The following PCDHGA5 variants were observed in gnomAD, a reference collection of about 807,000 sequenced individuals.
PCDHGA5 encodes protocadherin gamma-A5.
A neutral mutation model predicts 56.7 loss-of-function variants in PCDHGA5; 36 were observed. That is an observed-to-expected ratio of 0.64 (90% CI 0.49 to 0.84). PCDHGA5 has a LOEUF of 0.84. Among genes scored for constraint, PCDHGA5 ranks in the 40% least tolerant of loss-of-function variants. The pLI is 0.00. For missense variants in PCDHGA5, 1,305 were observed against 1,201.5 expected, an observed-to-expected ratio of 1.09 and a Z score of -1.27; for synonymous variants, 563 against 520.2, an observed-to-expected ratio of 1.08 and a Z score of -1.12.
In PCDHGA5 at chr5:141,486,070, T is replaced by G; in HGVS notation, c.2422-8737T>G. The G allele has an allele frequency of 6.2e-7, 1 of 1,614,158 alleles. No individual in the cohort carries two copies. Among genetic ancestry groups the G allele is most frequent in the Non-Finnish European group, 8.5e-7 (1 of 1,180,010 alleles). On this transcript the variant is annotated intron_variant, in intron 1 of 3. Coordinates refer to ENST00000518069, the MANE Select transcript of PCDHGA5 (RefSeq NM_018918.3). This position sits in a 1 kb window ranked among gnomAD's most constrained non-coding sequence, Gnocchi z 5.0. ...ACCTCTTTAGCCTGCACCCCACTAC[T>G]GGAAAGCTTACTCTTTTGGGGCCCC...
chr5:141,479,574 T>A (rs1291334449), intron 1 of PCDHGA5: 1 of 152,228 alleles, frequency 6.6e-6, no homozygotes, highest in South Asian at 2.1e-4. Context: ...GGATGACATC[T>A]GTGAATAGCC....
At position 141,486,653 on chromosome 5, in the gene PCDHGA5, C is replaced by A; in HGVS notation, c.2422-8154C>A. 1 of 1,613,968 alleles carries A rather than the reference C, an allele frequency of 6.2e-7. No homozygotes were observed. Among genetic ancestry groups the A allele is most frequent in the Non-Finnish European group, 8.5e-7 (1 of 1,180,034 alleles). On this transcript the variant is annotated intron_variant, in intron 1 of 3. Coordinates refer to ENST00000518069, the MANE Select transcript of PCDHGA5 (RefSeq NM_018918.3). This position sits in a 1 kb window ranked among gnomAD's most constrained non-coding sequence, Gnocchi z 5.0. ...CTTGAATGCGCTTATCTCCTACTCA[C>A]TCCTGGAGCCCAGGAATCGAGATGT... is the stretch of plus-strand genomic sequence containing the variant.
At chr5:141,418,811 A>C in intron 1 of PCDHGA5, 1 of 1,613,916 alleles carries the variant, frequency 6.2e-7, no homozygotes. Context: ...ATATACGATA[A>C]ACATAGAAGC....
intron 1 of PCDHGA5, chr5:141,413,586 C>G (rs2095657085): frequency 2.5e-6 from 4 of 1,613,724 alleles, no homozygotes; most frequent in Admixed American, 1.7e-5. Context: ...CTCCAAAATT[C>G]CAAGCAGAAA....
At chr5:141,478,665 A>G (rs749063178) in intron 1 of PCDHGA5, 88 of 1,551,690 alleles carry the variant, frequency 5.7e-5, no homozygotes, top group Non-Finnish European at 3.7e-5. Flanking sequence ...ATGCATTCAC[A>G]CTTTCAACTG....
chr5:141,446,928 C>T (rs988582410), intron 1 of PCDHGA5, among the ~76,000 whole-genome samples: 14 of 152,132 alleles, frequency 9.2e-5, no homozygotes, highest in Non-Finnish European at 1.6e-4. Context: ...TTCCTGATCT[C>T]TTTTTCACTG....
intron 1 of PCDHGA5, chr5:141,399,118 A>G: frequency 6.2e-7 from 1 of 1,613,822 alleles, no homozygotes; most frequent in Non-Finnish European, 8.5e-7. Context: ...TACAGTTGAA[A>G]TTAATATTCA....
At position 141,455,301 on chromosome 5, in the gene PCDHGA5, T is replaced by G. The variant is rs192443408; in HGVS notation, c.2422-39506T>G. Among the ~76,000 whole-genome samples, 191 of 152,308 alleles carry G rather than the reference T, an allele frequency of 1.3e-3. 1 individual carries two copies. Among genetic ancestry groups the G allele is most frequent in the African/African-American group, 4.4e-3 (181 of 41,566 alleles). On this transcript the variant is annotated intron_variant, in intron 1 of 3. Transcript: ENST00000518069. ...AACATCACTTTACATAGTTTCATCT[T>G]GCATTAGCAATTTTGTGTGTGTGTT...
At chr5:141,422,058 A>G (rs1015726657) in intron 1 of PCDHGA5, 3 of 1,611,890 alleles carry the variant, frequency 1.9e-6, no homozygotes, top group African/African-American at 2.7e-5. Flanking sequence ...TCAACGGGGA[A>G]GTAATGTATT....
At chr5:141,480,240 CAAA>C (rs11374694) in intron 1 of PCDHGA5, among the ~76,000 whole-genome samples, 1 of 114,046 alleles carries the variant, frequency 8.8e-6, no homozygotes, top group African/African-American at 3.3e-5. Flanking sequence ...CCTGTCTCTA[CAAA>C]AAAAAAAAAA....
chr5:141,427,905 A>G (rs754321006), intron 1 of PCDHGA5: 1 of 1,574,682 alleles, frequency 6.4e-7, no homozygotes, highest in South Asian at 1.1e-5. Context: ...GCCCGCGCTC[A>G]GCGCCAACAT....
At chr5:141,419,439 C>G (rs375537017) in intron 1 of PCDHGA5, 1 of 1,613,154 alleles carries the variant, frequency 6.2e-7, no homozygotes, top group Non-Finnish European at 8.5e-7. Context: ...CAGCTGCGCA[C>G]CTTCGAGCTC....
At chr5:141,430,425 A>G (rs1298131518) in intron 1 of PCDHGA5, among the ~76,000 whole-genome samples, 3 of 152,076 alleles carry the variant, frequency 2.0e-5, no homozygotes, top group Non-Finnish European at 4.4e-5. Context: ...TAAAGCGAAT[A>G]CGGTAGATTT....
In PCDHGA5 at chr5:141,388,127, C is replaced by T. The variant is rs760517049; in HGVS notation, c.2421+21376C>T. 21 of 1,427,554 alleles carry T rather than the reference C, an allele frequency of 1.5e-5. No homozygotes were observed. The African/African-American group carries it at 2.9e-4, about 20-fold the overall frequency. The allele number at this position is 1,427,554 out of a possible 1,614,324, so 88.4% of individuals were successfully genotyped here. On this transcript the variant is annotated intron_variant, in intron 1 of 3. Coordinates refer to ENST00000518069, the MANE Select transcript of PCDHGA5 (RefSeq NM_018918.3). ...CTTACTTCACCGTGAGCGCAGAGAG[C>T]GGGGAGTTGCTTGTGAGCAGCAGGC...
Position 141,510,990 on chromosome 5 carries a change from C to T in PCDHGA5, c.2613C>T (p.Thr871=). ...GSSTLGGGAG[T]MGLSARYGPQ... ...CCACCCTGGGAGGGGGTGCCGGCAC[C>T]ATGGGATTGAGCGCCCGCTACGGAC... The change falls in exon 4 of 4, where the codon ACC becomes ACT. Residue 871 remains threonine, a synonymous_variant. Transcript: ENST00000518069. The T allele has an allele frequency of 2.5e-6, 4 of 1,614,166 alleles. No homozygotes were observed. Among genetic ancestry groups the T allele is most frequent in the Non-Finnish European group, 3.4e-6 (4 of 1,180,014 alleles).
intron 1 of PCDHGA5, chr5:141,409,668 A>G: frequency 6.2e-7 from 1 of 1,613,398 alleles, no homozygotes; most frequent in Non-Finnish European, 8.5e-7. Context: ...CACATCTCCT[A>G]CTCTATAGTG....
At chr5:141,500,562 T>A (rs2099801387) in intron 2 of PCDHGA5, among the ~76,000 whole-genome samples, 1 of 152,202 alleles carries the variant, frequency 6.6e-6, no homozygotes, top group Admixed American at 6.5e-5. Flanking sequence ...CACAAACTTG[T>A]CACACTTTCA....
rs2099883775 is a variant in PCDHGA5 at position 141,511,415 on chromosome 5, A to G, written c.*242A>G. On this transcript the variant is annotated 3_prime_UTR_variant, in exon 4 of 4. Transcript: ENST00000518069. ...CCCCATCCAATCAACTGCTGTACCC[A>G]TGGGGGTAGTGGGGTTACTGTAGAC... 1.2e-6 allele frequency: 1 copy of G among 868,992 alleles called. No individual in the cohort carries two copies. The highest frequency in any genetic ancestry group is 2.9e-5 in the East Asian group (1 of 34,592). The allele number at this position is 868,992 out of a possible 1,614,324, so 53.8% of individuals were successfully genotyped here.
chr5:141,394,868 C>G lies in PCDHGA5; in HGVS notation c.2421+28117C>G, dbSNP rs1159006718. On this transcript the variant is annotated intron_variant, in intron 1 of 3. Coordinates refer to ENST00000518069, the MANE Select transcript of PCDHGA5 (RefSeq NM_018918.3). ...GTCTGAAGCCTTCGGTCGACCCGAA[C>G]GATTCGAGCCTTACACTCTATCTCG... The G allele has an allele frequency of 1.7e-5, 27 of 1,613,710 alleles. No homozygotes were observed. In the African/African-American group the frequency reaches 1.7e-4, roughly 10 times the overall value.
Sources: allele counts gnomAD v4.1 joint callset (sites outside exome capture counted in the v4.1 genomes callset), GRCh38; gene constraint gnomAD v4.1.1; non-coding constraint Gnocchi (gnomAD v3.1); transcripts MANE v1.5; gene names NCBI Gene and HGNC (gene_info 2026-07-23, HGNC 2026-07-21).